NCOA4: variants seen among roughly 807,000 people sequenced by gnomAD.
The protein encoded by NCOA4 is 70 kDa AR-activator.
NCOA4 carries 31 observed loss-of-function variants against 69.5 expected under a neutral mutation model. The ratio of observed to expected loss-of-function variants is 0.45; its 90% CI spans 0.34 to 0.60. The LOEUF is 0.60. Ranked by LOEUF, NCOA4 falls within the 20% of genes least tolerant of loss-of-function variation. The pLI, the probability that NCOA4 is intolerant of heterozygous loss-of-function variation, is 0.02. For synonymous variants in NCOA4, 228 were observed against 252.4 expected (o/e 0.90, Z 0.92); for missense variants, 600 against 719.2 (o/e 0.83, Z 1.90).
At chr10:46,014,796 C>G (rs909076519) in intron 4 of NCOA4, 58 bp downstream of exon 4, 4 of 1,410,524 alleles carry the variant, frequency 2.8e-6, no homozygotes, top group Non-Finnish European at 4.0e-6. Flanking sequence ...AATCGACTTT[C>G]TTTTAGTATA....
chr10:46,017,642 G>A (rs1175755484), intron 1 of NCOA4, among the ~76,000 whole-genome samples: 1 of 152,134 alleles, frequency 6.6e-6, no homozygotes, highest in Non-Finnish European at 1.5e-5. Context: ...TGCATTATAT[G>A]TAACAGATTA....
At chr10:46,016,751 T>C (rs528335278) in intron 1 of NCOA4, 57 bp from the exon 2 acceptor site, 10 of 1,231,728 alleles carry the variant, frequency 8.1e-6, no homozygotes, top group African/African-American at 4.6e-5. Context: ...AAAACCACCT[T>C]TGAATCATCC....
intron 7 of NCOA4, among the ~76,000 whole-genome samples, 192 bp from the exon 8 acceptor site, chr10:46,011,398 G>C (rs1372694550): frequency 6.6e-6 from 1 of 151,384 alleles, no homozygotes; most frequent in Non-Finnish European, 1.5e-5. Flanking sequence ...CTTCCGAGTA[G>C]CTGGGACTAT....
At chr10:46,012,054 C>A in intron 7 of NCOA4, among the ~76,000 whole-genome samples, 1 of 89,850 alleles carries the variant, frequency 1.1e-5, no homozygotes, top group Non-Finnish European at 2.0e-5. Context: ...GAGCAAGACT[C>A]GGTCTCAAAA....
intron 1 of NCOA4, among the ~76,000 whole-genome samples, chr10:46,025,236 A>G (rs1472359036): frequency 1.3e-5 from 2 of 152,204 alleles, no homozygotes; most frequent in Non-Finnish European, 2.9e-5. Flanking sequence ...TCTGTTGTCC[A>G]AAGACAGGAG....
intron 1 of NCOA4, among the ~76,000 whole-genome samples, chr10:46,021,858 C>T (rs1839889859): frequency 6.6e-6 from 1 of 152,138 alleles, no homozygotes; most frequent in Non-Finnish European, 1.5e-5. Context: ...AATCGGGAGG[C>T]TGAGGCAGGA....
At chr10:46,022,269 C>T in intron 1 of NCOA4, 1 of 366,578 alleles carries the variant, frequency 2.7e-6, no homozygotes. Context: ...CCACAGGATA[C>T]CTATGTGTTC....
Position 46,005,210 on chromosome 10 carries a change from T to A in NCOA4, c.*1382A>T. 4.7e-6 allele frequency: 1 copy of A among 211,686 alleles called. No individual in the cohort carries two copies. Among genetic ancestry groups the A allele is most frequent in the Non-Finnish European group, 9.6e-6 (1 of 104,118 alleles). The allele number at this position is 211,686 out of a possible 1,614,324, so 13.1% of individuals were successfully genotyped here. A position where few individuals can be genotyped will look rare whatever the true frequency, so the allele number is the denominator to read the frequency against. On this transcript the variant is annotated 3_prime_UTR_variant, in exon 10 of 10. Coordinates refer to ENST00000581486, the MANE Select transcript of NCOA4 (RefSeq NM_001145263.2). ...TTTTGACTTGTAAAATACAGTGTGT[T>A]TGGCCTCAAGAAACTACAGAGCTGC...
In NCOA4 at chr10:46,006,178, G is replaced by A. The variant is rs1242774515; in HGVS notation, c.*414C>T. On this transcript the variant is annotated 3_prime_UTR_variant, in exon 10 of 10. Coordinates refer to ENST00000581486, the MANE Select transcript of NCOA4 (RefSeq NM_001145263.2). Reference sequence around the variant, plus strand: ...CAAAAGAAAACCCACAGCAAGAGAAGCATCTGTAGGGCAATTAAACGTTAG... The same window carrying A: ...CAAAAGAAAACCCACAGCAAGAGAAACATCTGTAGGGCAATTAAACGTTAG... 4.2e-5 allele frequency: 10 copies of A among 238,470 alleles called. No individual in the cohort carries two copies. The highest frequency in any genetic ancestry group is 8.2e-5 in the Non-Finnish European group (10 of 121,728). 14.8% of individuals were successfully genotyped at this position (238,470 alleles called of 1,614,324 possible). A position where few individuals can be genotyped will look rare whatever the true frequency, so the allele number is the denominator to read the frequency against.
rs1379980699 is a variant in NCOA4 at position 46,005,407 on chromosome 10, T to C, written c.*1185A>G. Reference sequence around the variant, plus strand: ...GCAATGACATTTTGGGACCATGAAGTTTCCCCAGAAGTATTTCCGGTAAGA... The same window carrying C: ...GCAATGACATTTTGGGACCATGAAGCTTCCCCAGAAGTATTTCCGGTAAGA... On this transcript the variant is annotated 3_prime_UTR_variant, in exon 10 of 10. Transcript: ENST00000581486. The C allele has an allele frequency of 2.3e-5, 5 of 216,610 alleles. No individual in the cohort carries two copies. The highest frequency in any genetic ancestry group is 9.0e-5 in the African/African-American group (4 of 44,358). The allele number at this position is 216,610 out of a possible 1,614,324, so 13.4% of individuals were successfully genotyped here.
intron 1 of NCOA4, among the ~76,000 whole-genome samples, chr10:46,029,297 C>A (rs116420310): frequency 2.6e-5 from 4 of 152,188 alleles, no homozygotes; most frequent in African/African-American, 9.6e-5. Context: ...ATGAAAGGAA[C>A]GTTATTGTGC....
At chr10:46,025,466 C>G (rs1554925372) in intron 1 of NCOA4, among the ~76,000 whole-genome samples, 1 of 152,166 alleles carries the variant, frequency 6.6e-6, no homozygotes, top group Non-Finnish European at 1.5e-5. Flanking sequence ...AAGTTGACAC[C>G]TAAAATTAAC....
In NCOA4 at chr10:46,015,120, C is replaced by T. The variant is rs782295717; in HGVS notation, c.282+6G>A. Reference sequence around the variant, plus strand: ...CAAACCAATTCTAGCCATGCAGTCACCTTACCGAGTAGAGCTGCTGAGCCT... The same window carrying T: ...CAAACCAATTCTAGCCATGCAGTCATCTTACCGAGTAGAGCTGCTGAGCCT... On this transcript the variant is annotated splice_donor_region_variant and intron_variant, in intron 3 of 9. Transcript: ENST00000581486. The T allele has an allele frequency of 1.2e-6, 2 of 1,614,220 alleles. No individual in the cohort carries two copies. The highest frequency in any genetic ancestry group is 1.7e-6 in the Non-Finnish European group (2 of 1,180,048).
intron 1 of NCOA4, among the ~76,000 whole-genome samples, chr10:46,017,607 GTAATATA>G (rs1839641530): frequency 6.6e-6 from 1 of 151,888 alleles, no homozygotes; most frequent in Admixed American, 6.6e-5. Context: ...GAGAATATAT[GTAATATA>G]TAATATATAA....
chr10:46,012,892 C>T lies in NCOA4; in HGVS notation c.705G>A (p.Glu235=), dbSNP rs2132331454. The T allele has an allele frequency of 6.2e-7, 1 of 1,614,064 alleles. No homozygotes were observed. Among genetic ancestry groups the T allele is most frequent in the Non-Finnish European group, 8.5e-7 (1 of 1,179,976 alleles). The change falls in exon 7 of 10, where the codon GAG becomes GAA. Residue 235 remains glutamate, a synonymous_variant. Transcript: ENST00000581486. The stretch of plus-strand genomic sequence containing the variant: ...AAAAGCAGCAACAGACCTGACTGTT[C>T]TCCAAGGTCTGCTTTTGGGTAAGCC... ...QDWLTQKQTL[E]NSQTSSRACN...
Position 46,006,617 on chromosome 10 carries a change from G to A in NCOA4, c.1840-20C>T. The A allele has an allele frequency of 6.2e-7, 1 of 1,613,846 alleles. No individual in the cohort carries two copies. Among genetic ancestry groups the A allele is most frequent in the Non-Finnish European group, 8.5e-7 (1 of 1,179,740 alleles). On this transcript the variant is annotated intron_variant, in intron 9 of 9. Transcript: ENST00000581486. Reference sequence around the variant, plus strand: ...TCACATCTGTAAAGAGACACCCACAGATGATAAGTTACTTCAATGAAGAAT... The same window carrying A: ...TCACATCTGTAAAGAGACACCCACAAATGATAAGTTACTTCAATGAAGAAT...
At chr10:46,025,181 C>A (rs1166935087) in intron 1 of NCOA4, among the ~76,000 whole-genome samples, 1 of 152,134 alleles carries the variant, frequency 6.6e-6, no homozygotes, top group African/African-American at 2.4e-5. Flanking sequence ...ACCCAGGGGG[C>A]CAATGATACA....
At chr10:46,022,478 T>G (rs1323411723) in intron 1 of NCOA4, 8 of 466,788 alleles carry the variant, frequency 1.7e-5, no homozygotes, top group African/African-American at 1.2e-4. Context: ...GTTTTTTTTT[T>G]GTTTTGAGAC....
intron 2 of NCOA4, 30 bp from the exon 3 acceptor site, chr10:46,015,296 G>T (rs1269817176): frequency 2.2e-6 from 3 of 1,373,786 alleles, no homozygotes; most frequent in Non-Finnish European, 2.9e-6. Context: ...TAGCTTCCTA[G>T]TGTTAATCCC....
Sources: allele counts gnomAD v4.1 joint callset (sites outside exome capture counted in the v4.1 genomes callset), GRCh38; gene constraint gnomAD v4.1.1; transcripts MANE v1.5; gene names NCBI Gene and HGNC (gene_info 2026-07-23, HGNC 2026-07-21).